GALNTL6: variants seen among roughly 807,000 people sequenced by gnomAD.
GALNTL6 encodes polypeptide N-acetylgalactosaminyltransferase-like 6.
A neutral mutation model predicts 73.7 loss-of-function variants in GALNTL6; 46 were observed. That is an observed-to-expected ratio of 0.62 (90% CI 0.49 to 0.80). GALNTL6 has a LOEUF of 0.80. Among genes scored for constraint, GALNTL6 ranks in the 30% least tolerant of loss-of-function variants. GALNTL6 has a pLI of 0.00. For missense variants in GALNTL6, 604 were observed against 755.0 expected (o/e 0.80, Z 2.34); for synonymous variants, 259 against 263.7 (o/e 0.98, Z 0.17).
At chr4:172,856,704 A>G (rs1305639163) in intron 7 of GALNTL6, among the ~76,000 whole-genome samples, 1 of 152,220 alleles carries the variant, frequency 6.6e-6, no homozygotes, top group African/African-American at 2.4e-5. Flanking sequence ...GGGGATAATA[A>G]AGTGTCCAAC....
At chr4:172,929,467 G>C (rs1230369481) in intron 8 of GALNTL6, among the ~76,000 whole-genome samples, 1 of 152,134 alleles carries the variant, frequency 6.6e-6, no homozygotes, top group Non-Finnish European at 1.5e-5. Flanking sequence ...TTAATTTTAA[G>C]GAATTGGTCC....
chr4:171,872,315 A>G (rs1040201610), intron 2 of GALNTL6, among the ~76,000 whole-genome samples: 1 of 152,116 alleles, frequency 6.6e-6, no homozygotes, highest in Non-Finnish European at 1.5e-5. Context: ...CCTTATATTA[A>G]ATTGATTTTA....
intron 5 of GALNTL6, among the ~76,000 whole-genome samples, chr4:172,771,205 G>A (rs970291180): frequency 6.6e-6 from 1 of 152,104 alleles, no homozygotes; most frequent in African/African-American, 2.4e-5. Context: ...CAATCACCTG[G>A]CATGAACTCT....
intron 3 of GALNTL6, among the ~76,000 whole-genome samples, chr4:172,255,908 AT>A (rs1230610568): frequency 2.0e-5 from 3 of 151,474 alleles, no homozygotes; most frequent in Admixed American, 2.0e-4. Context: ...AATGAACAAT[AT>A]CCATTTTTAA....
At chr4:172,687,905 A>G (rs1733030380) in intron 5 of GALNTL6, among the ~76,000 whole-genome samples, 1 of 152,188 alleles carries the variant, frequency 6.6e-6, no homozygotes, top group African/African-American at 2.4e-5. Flanking sequence ...TATAACCATA[A>G]GTAAGCTCTA....
At chr4:171,857,695 T>C (rs753748770) in intron 2 of GALNTL6, among the ~76,000 whole-genome samples, 5 of 152,178 alleles carry the variant, frequency 3.3e-5, no homozygotes, top group Non-Finnish European at 7.4e-5. Context: ...ATGGCAAGAA[T>C]TGGTAAGCCT....
chr4:171,833,653 G>A (rs537491583), intron 2 of GALNTL6, among the ~76,000 whole-genome samples: 7 of 151,708 alleles, frequency 4.6e-5, no homozygotes, highest in Admixed American at 6.6e-5. Flanking sequence ...GTTTCTTAGC[G>A]TATTGTCTAA....
intron 2 of GALNTL6, among the ~76,000 whole-genome samples, chr4:171,979,543 A>T (rs1241287962): frequency 6.6e-6 from 1 of 152,214 alleles, no homozygotes; most frequent in East Asian, 1.9e-4. Context: ...TCCACGGGTA[A>T]CAGAACTAGA....
chr4:172,081,221 T>A (rs1731869771), intron 2 of GALNTL6, among the ~76,000 whole-genome samples: 1 of 152,224 alleles, frequency 6.6e-6, no homozygotes, highest in South Asian at 2.1e-4. Context: ...TTATCTTCAA[T>A]CTGTATTCAT....
chr4:172,400,819 G>A (rs1304953169), intron 5 of GALNTL6, among the ~76,000 whole-genome samples: 1 of 152,102 alleles, frequency 6.6e-6, no homozygotes, highest in East Asian at 1.9e-4. Flanking sequence ...TCCACGTGAA[G>A]TCAGACTTTA....
chr4:172,160,208 C>T lies in GALNTL6; in HGVS notation c.139-69448C>T, dbSNP rs574312604. Among the ~76,000 whole-genome samples the T allele has an allele frequency of 3.3e-5, 5 of 151,890 alleles. No individual in the cohort carries two copies. In the South Asian group the frequency reaches 8.3e-4, roughly 25 times the overall value. On this transcript the variant is annotated intron_variant, in intron 2 of 12. Transcript: ENST00000506823. Reference sequence around the variant, plus strand: ...TGTGGCCTTTGGGAGAGGGCTGTTACTAGGTATATTAGAGTGAATGTTGTT... The same window carrying T: ...TGTGGCCTTTGGGAGAGGGCTGTTATTAGGTATATTAGAGTGAATGTTGTT...
intron 2 of GALNTL6, among the ~76,000 whole-genome samples, chr4:171,869,970 A>C (rs576223761): frequency 6.8e-6 from 1 of 146,732 alleles, no homozygotes; most frequent in Non-Finnish European, 1.5e-5. Flanking sequence ...AGCAGCATGA[A>C]AACAGACTAA....
At chr4:172,639,809 T>C (rs1560850920) in intron 5 of GALNTL6, among the ~76,000 whole-genome samples, 1 of 152,106 alleles carries the variant, frequency 6.6e-6, no homozygotes, top group Non-Finnish European at 1.5e-5. Context: ...TTACCATAGG[T>C]GAAATTTCTA....
intron 2 of GALNTL6, among the ~76,000 whole-genome samples, chr4:172,170,316 G>T (rs2110818467): frequency 6.6e-6 from 1 of 152,184 alleles, no homozygotes; most frequent in Middle Eastern, 3.4e-3. Flanking sequence ...AGATCTGATG[G>T]CTTTATAAGT....
intron 5 of GALNTL6, among the ~76,000 whole-genome samples, chr4:172,350,074 A>G (rs1741890973): frequency 1.3e-5 from 2 of 152,168 alleles, no homozygotes; most frequent in Admixed American, 1.3e-4. Context: ...AAAGATAGGT[A>G]CTTAATGTGT....
chr4:172,534,112 G>T (rs1364150748), intron 5 of GALNTL6, among the ~76,000 whole-genome samples: 2 of 152,210 alleles, frequency 1.3e-5, no homozygotes, highest in Admixed American at 1.3e-4. Context: ...TGATTGGAAC[G>T]TTTCCTGTGA....
At chr4:172,875,700 T>C (rs1745157922) in intron 7 of GALNTL6, among the ~76,000 whole-genome samples, 1 of 149,950 alleles carries the variant, frequency 6.7e-6, no homozygotes, top group Admixed American at 6.7e-5. Context: ...GAACCCTCCA[T>C]TGTTGTTAGA....
chr4:171,870,260 G>T (rs183608752), intron 2 of GALNTL6, among the ~76,000 whole-genome samples: 2 of 152,260 alleles, frequency 1.3e-5, no homozygotes, highest in African/African-American at 4.8e-5. Context: ...GAAGTTTCAT[G>T]AATGATGCCC....
chr4:172,406,432 T>C (rs1476199614), intron 5 of GALNTL6, among the ~76,000 whole-genome samples: 1 of 151,878 alleles, frequency 6.6e-6, no homozygotes, highest in Non-Finnish European at 1.5e-5. Context: ...AAATAATACA[T>C]ATATATATAA....
Sources: gnomAD v4.1 joint callset for allele counts (sites outside exome capture counted in the v4.1 genomes callset) on GRCh38, gnomAD v4.1.1 for gene constraint, MANE v1.5 for transcripts, NCBI Gene and HGNC (gene_info 2026-07-23, HGNC 2026-07-21) for gene names.